Variants in MBD5 observed in about 807,000 individuals in gnomAD.
The protein encoded by MBD5 is methyl-CpG binding domain protein 5, also known as methyl-CpG-binding domain protein 5.
MBD5 carries 13 observed loss-of-function variants against 117.3 expected under a neutral mutation model. The observed-to-expected ratio is 0.11, with a 90% CI of 0.07 to 0.18. MBD5 has a LOEUF of 0.18. Among genes scored for constraint, MBD5 ranks in the 10% least tolerant of loss-of-function variants. The pLI is 1.00. For synonymous variants in MBD5, 727 were observed against 766.4 expected, an observed-to-expected ratio of 0.95 and a Z score of 0.85; for missense variants, 1,879 against 2,093.8, an observed-to-expected ratio of 0.90 and a Z score of 2.00.
intron 2 of MBD5, among the ~76,000 whole-genome samples, chr2:148,215,149 G>T (rs1699520830): frequency 6.6e-6 from 1 of 152,086 alleles, no homozygotes; most frequent in South Asian, 2.1e-4. Context: ...TGTGGTACTT[G>T]TACCAGGTTC....
At chr2:148,195,031 A>C (rs531744610) in intron 2 of MBD5, among the ~76,000 whole-genome samples, 7 of 152,328 alleles carry the variant, frequency 4.6e-5, no homozygotes, top group Non-Finnish European at 1.0e-4. Flanking sequence ...ACAACTACTC[A>C]ACTCTCTTAT....
chr2:148,190,942 G>C (rs997697301), intron 2 of MBD5, among the ~76,000 whole-genome samples: 86 of 144,044 alleles, frequency 6.0e-4, no homozygotes, highest in African/African-American at 2.0e-3. Context: ...ACAAAAAAAG[G>C]CAGGGGTTGC....
chr2:148,151,572 A>G (rs925957998), intron 1 of MBD5, among the ~76,000 whole-genome samples: 17 of 152,096 alleles, frequency 1.1e-4, no homozygotes, highest in Admixed American at 9.2e-4. Context: ...ATCTGGTCCT[A>G]GACTCTTTTT....
chr2:148,153,110 C>G (rs1046373976), intron 1 of MBD5, among the ~76,000 whole-genome samples: 4 of 151,792 alleles, frequency 2.6e-5, no homozygotes, highest in Non-Finnish European at 5.9e-5. Context: ...GCGCTTCCTT[C>G]AGGAGCTCTT....
intron 2 of MBD5, among the ~76,000 whole-genome samples, chr2:148,187,203 G>A (rs1574109519): frequency 6.6e-6 from 1 of 152,226 alleles, no homozygotes; most frequent in South Asian, 2.1e-4. Flanking sequence ...CTGCATTCCA[G>A]CCTGGACATA....
At chr2:148,439,310 A>T (rs907285018) in intron 4 of MBD5, among the ~76,000 whole-genome samples, 1 of 152,206 alleles carries the variant, frequency 6.6e-6, no homozygotes, top group African/African-American at 2.4e-5. Context: ...TGGGACTAGT[A>T]TGCCACATTA....
At chr2:148,119,215 A>G (rs1696707907) in intron 1 of MBD5, among the ~76,000 whole-genome samples, 1 of 152,132 alleles carries the variant, frequency 6.6e-6, no homozygotes, top group African/African-American at 2.4e-5. Context: ...ATTTTAGTGA[A>G]TGTGAAATGG....
chr2:148,425,062 C>T (rs780674847), intron 4 of MBD5, among the ~76,000 whole-genome samples: 8 of 151,858 alleles, frequency 5.3e-5, no homozygotes, highest in African/African-American at 7.3e-5. Flanking sequence ...CATAGAGACG[C>T]GAAAAACCCT....
chr2:148,201,709 A>C (rs529445093), intron 2 of MBD5, among the ~76,000 whole-genome samples: 2 of 152,218 alleles, frequency 1.3e-5, no homozygotes, highest in East Asian at 3.9e-4. Flanking sequence ...TTAAGTGACG[A>C]AACAGCTCTC....
At chr2:148,076,954 C>T (rs1431643185) in intron 1 of MBD5, among the ~76,000 whole-genome samples, 1 of 152,134 alleles carries the variant, frequency 6.6e-6, no homozygotes, top group African/African-American at 2.4e-5. Flanking sequence ...TTTTGTGTGT[C>T]CCATAAGCTA....
chr2:148,283,051 T>C (rs1472175545), intron 3 of MBD5, among the ~76,000 whole-genome samples: 2 of 152,102 alleles, frequency 1.3e-5, no homozygotes, highest in Admixed American at 1.3e-4. Context: ...CCTATTCCAT[T>C]ATCCAGTCAC....
chr2:148,103,370 G>C (rs1021113752), intron 1 of MBD5, among the ~76,000 whole-genome samples: 6 of 152,182 alleles, frequency 3.9e-5, no homozygotes, highest in Admixed American at 3.3e-4. Flanking sequence ...AATATTTACT[G>C]TAGTGTCTCC....
intron 3 of MBD5, among the ~76,000 whole-genome samples, chr2:148,341,386 G>A (rs1202551060): frequency 6.6e-6 from 1 of 151,568 alleles, no homozygotes. Flanking sequence ...TTAGAATTAG[G>A]CCGACCCAGA....
intron 1 of MBD5, among the ~76,000 whole-genome samples, chr2:148,095,797 T>C (rs1351767626): frequency 6.6e-6 from 1 of 151,942 alleles, no homozygotes; most frequent in Admixed American, 6.6e-5. Context: ...CGAGAAGCAT[T>C]TTGAGATGTT....
intron 2 of MBD5, among the ~76,000 whole-genome samples, chr2:148,228,072 T>A (rs1699882935): frequency 6.6e-6 from 1 of 152,228 alleles, no homozygotes; most frequent in South Asian, 2.1e-4. Flanking sequence ...ATGATTTGAC[T>A]TCCTCTTTTC....
chr2:148,088,522 C>T (rs1423928339), intron 1 of MBD5, among the ~76,000 whole-genome samples: 1 of 152,100 alleles, frequency 6.6e-6, no homozygotes, highest in African/African-American at 2.4e-5. Context: ...TCAGCAGAAA[C>T]CCTACAAGCC....
At chr2:148,027,239 T>G (rs751975589) in intron 1 of MBD5, 1 of 152,150 alleles carries the variant, frequency 6.6e-6, no homozygotes, top group African/African-American at 2.4e-5. Context: ...TGTACTCTTT[T>G]TAGTACTAAA....
At chr2:148,322,216 A>G (rs1006412098) in intron 3 of MBD5, among the ~76,000 whole-genome samples, 8 of 152,238 alleles carry the variant, frequency 5.3e-5, no homozygotes, top group African/African-American at 1.9e-4. Context: ...CTGAGAAAAT[A>G]TGGACTAAAG....
intron 1 of MBD5, among the ~76,000 whole-genome samples, chr2:148,107,162 T>C (rs535805122): frequency 6.6e-6 from 1 of 152,188 alleles, no homozygotes; most frequent in South Asian, 2.1e-4. Context: ...TTAGAAGTTA[T>C]TTTGAGGGGG....
Sources: gnomAD v4.1 joint callset for allele counts (sites outside exome capture counted in the v4.1 genomes callset) on GRCh38, gnomAD v4.1.1 for gene constraint, MANE v1.5 for transcripts, NCBI Gene and HGNC (gene_info 2026-07-23, HGNC 2026-07-21) for gene names.